The following KDM2B variants were observed in gnomAD, a reference collection of about 807,000 sequenced individuals.
The protein encoded by KDM2B is lysine-specific demethylase 2B.
In KDM2B, 26 loss-of-function variants were observed where a neutral mutation model predicts 150.0. The observed-to-expected ratio is 0.17, with a 90% CI of 0.13 to 0.24. KDM2B has a LOEUF of 0.24. Ranked by LOEUF, KDM2B falls within the 10% of genes least tolerant of loss-of-function variation. The probability of loss-of-function intolerance (pLI) is 1.00; values close to 1 mark genes in which losing one functional copy is unlikely to be tolerated. For synonymous variants in KDM2B, 734 were observed against 729.5 expected, an observed-to-expected ratio of 1.01 and a Z score of -0.10; for missense variants, 1,265 against 1,816.9, an observed-to-expected ratio of 0.70 and a Z score of 5.52.
chr12:121,472,087 C>T (rs1367473569), intron 12 of KDM2B, among the ~76,000 whole-genome samples: 1 of 152,166 alleles, frequency 6.6e-6, no homozygotes, highest in Non-Finnish European at 1.5e-5. Flanking sequence ...CATGCCACTG[C>T]ACTCCACCCT....
At chr12:121,572,072 G>A (rs1891139652) in intron 4 of KDM2B, among the ~76,000 whole-genome samples, 1 of 152,260 alleles carries the variant, frequency 6.6e-6, no homozygotes, top group Admixed American at 6.5e-5. Context: ...GTGGTACACG[G>A]CTGTGGTCCC....
chr12:121,552,673 A>C (rs1321224172), intron 4 of KDM2B, among the ~76,000 whole-genome samples: 1 of 98,082 alleles, frequency 1.0e-5, no homozygotes, highest in Non-Finnish European at 1.9e-5. Context: ...ACTCTGTCTT[A>C]ATTAAAAAAA....
intron 11 of KDM2B, among the ~76,000 whole-genome samples, chr12:121,507,963 C>CTT (rs1285627569): frequency 1.3e-5 from 2 of 152,164 alleles, no homozygotes; most frequent in African/African-American, 4.8e-5. Flanking sequence ...GGGAGCCAAG[C>CTT]TCGCACCACT....
Position 121,442,082 on chromosome 12 carries a change from C to T in KDM2B, c.3284+75G>A, listed in dbSNP as rs1593743871. ...GTTTGGAAGGAAAGAGCATCGCCAGCGACTCCACACACCACGGGCCATCCC... is the reference window on the plus strand; with the variant it reads ...GTTTGGAAGGAAAGAGCATCGCCAGTGACTCCACACACCACGGGCCATCCC... On this transcript the variant is annotated intron_variant, in intron 19 of 22. Coordinates refer to ENST00000377071, the MANE Select transcript of KDM2B (RefSeq NM_032590.5). The surrounding 1 kb of genome is among the most constrained non-coding windows in gnomAD (Gnocchi z 7.7). 1.5e-5 allele frequency: 19 copies of T among 1,233,872 alleles called. No homozygotes were observed. The East Asian group carries it at 4.2e-4, about 27-fold the overall frequency. 76.4% of individuals were successfully genotyped at this position (1,233,872 alleles called of 1,614,324 possible).
intron 4 of KDM2B, among the ~76,000 whole-genome samples, chr12:121,558,459 T>C (rs1404904111): frequency 8.0e-5 from 12 of 149,786 alleles, no homozygotes; most frequent in African/African-American, 2.5e-5. Context: ...CTTTTTCTTT[T>C]TTTTTTTTTT....
chr12:121,431,019 G>A (rs1555285392), intron 22 of KDM2B, among the ~76,000 whole-genome samples: 2 of 152,132 alleles, frequency 1.3e-5, no homozygotes, highest in Non-Finnish European at 2.9e-5. Context: ...ACAGCTGTTT[G>A]GCCCTAACTC....
Sources: allele counts gnomAD v4.1 joint callset (sites outside exome capture counted in the v4.1 genomes callset), GRCh38; gene constraint gnomAD v4.1.1; non-coding constraint Gnocchi (gnomAD v3.1); transcripts MANE v1.5; gene names NCBI Gene and HGNC (gene_info 2026-07-23, HGNC 2026-07-21).